Variants in OSBPL6 observed in about 807,000 individuals in gnomAD.
OSBPL6 encodes the protein oxysterol binding protein like 6.
In OSBPL6, 49 loss-of-function variants were observed where a neutral mutation model predicts 125.8. The ratio of observed to expected loss-of-function variants is 0.39; its 90% CI spans 0.31 to 0.49. The LOEUF (loss-of-function observed/expected upper bound fraction) is 0.49, where lower values mean the gene tolerates loss of function less well. OSBPL6 is among the 20% of genes least tolerant of loss of function. The pLI is 0.88. For missense variants in OSBPL6, 986 were observed against 1,135.4 expected, an observed-to-expected ratio of 0.87 and a Z score of 1.89; for synonymous variants, 394 against 391.8, an observed-to-expected ratio of 1.01 and a Z score of -0.07.
intron 10 of OSBPL6, 53 bp downstream of exon 10, chr2:178,339,147 T>G: frequency 8.9e-7 from 1 of 1,117,842 alleles, no homozygotes; most frequent in South Asian, 1.4e-5. Context: ...ATTAATACTC[T>G]TTATTGGGTT....
intron 13 of OSBPL6, among the ~76,000 whole-genome samples, chr2:178,371,248 G>A (rs968894894): frequency 2.6e-5 from 4 of 152,190 alleles, no homozygotes; most frequent in Admixed American, 1.3e-4. Flanking sequence ...TACATCTGTA[G>A]TCTATAAATG....
chr2:178,371,180 T>A (rs1693347461), intron 13 of OSBPL6, among the ~76,000 whole-genome samples: 1 of 152,218 alleles, frequency 6.6e-6, no homozygotes, highest in Non-Finnish European at 1.5e-5. Context: ...CTATCTTTTC[T>A]CTGGGCCTTG....
rs138809498 is a variant in OSBPL6, at chr2:178,324,009, T to A, written c.103-168T>A. Among the ~76,000 whole-genome samples the A allele has an allele frequency of 1.7e-3, 262 of 152,346 alleles. 2 individuals carry two copies. Among genetic ancestry groups the A allele is most frequent in the African/African-American group, 5.4e-3 (226 of 41,572 alleles). ...TCTAGAAGAGGAGGGGAAAATCCTGTGCCGACATATTTTTCTGTCTGTTGC... is the reference window on the plus strand; with the variant it reads ...TCTAGAAGAGGAGGGGAAAATCCTGAGCCGACATATTTTTCTGTCTGTTGC... On this transcript the variant is annotated intron_variant, in intron 3 of 24. Coordinates refer to ENST00000190611, the MANE Select transcript of OSBPL6 (RefSeq NM_032523.4).
chr2:178,221,035 G>A (rs531056143), intron 1 of OSBPL6, among the ~76,000 whole-genome samples: 3 of 152,292 alleles, frequency 2.0e-5, no homozygotes, highest in African/African-American at 7.2e-5. Flanking sequence ...TTAGCTCAGA[G>A]GTAATTGACT....
At chr2:178,380,084 T>G (rs1183777023) in intron 15 of OSBPL6, among the ~76,000 whole-genome samples, 1 of 152,080 alleles carries the variant, frequency 6.6e-6, no homozygotes, top group Non-Finnish European at 1.5e-5. Flanking sequence ...AAAAATGTAA[T>G]CTATATGTCA....
intron 11 of OSBPL6, 23 bp downstream of exon 11, chr2:178,339,787 AT>A: frequency 1.3e-6 from 2 of 1,553,554 alleles, no homozygotes; most frequent in South Asian, 1.2e-5. Context: ...CTTTTCCTTC[AT>A]TCACGTTTCT....
chr2:178,248,065 C>T (rs2091556244), intron 1 of OSBPL6, among the ~76,000 whole-genome samples: 1 of 152,150 alleles, frequency 6.6e-6, no homozygotes, highest in Non-Finnish European at 1.5e-5. Flanking sequence ...AAACTGAAAG[C>T]TCCTACAAGG....
chr2:178,246,030 G>C (rs1163411019), intron 1 of OSBPL6, among the ~76,000 whole-genome samples: 2 of 152,048 alleles, frequency 1.3e-5, no homozygotes, highest in Non-Finnish European at 2.9e-5. Flanking sequence ...GCCTCCATCT[G>C]GTCCCTGGCC....
chr2:178,202,787 T>C (rs1358863450), intron 1 of OSBPL6, among the ~76,000 whole-genome samples: 1 of 151,586 alleles, frequency 6.6e-6, no homozygotes, highest in Non-Finnish European at 1.5e-5. Context: ...GTGCCACTGT[T>C]TTCTACCTTG....
chr2:178,382,071 AG>A (rs544758690), intron 15 of OSBPL6, among the ~76,000 whole-genome samples: 2 of 152,228 alleles, frequency 1.3e-5, no homozygotes, highest in Admixed American at 6.5e-5. Context: ...GCCTTCTCTT[AG>A]TTATTAGGTT....
At chr2:178,217,543 C>T (rs1230587565) in intron 1 of OSBPL6, among the ~76,000 whole-genome samples, 1 of 152,156 alleles carries the variant, frequency 6.6e-6, no homozygotes, top group East Asian at 1.9e-4. Context: ...AAACAGCTCT[C>T]TCTATAGAGA....
At chr2:178,276,621 C>T (rs1241100829) in intron 1 of OSBPL6, among the ~76,000 whole-genome samples, 1 of 152,164 alleles carries the variant, frequency 6.6e-6, no homozygotes. Context: ...GATCCATCCA[C>T]GTCGGCCTCC....
chr2:178,250,437 A>G lies in OSBPL6; in HGVS notation c.-350-34490A>G, dbSNP rs76011779. ...CTTGCTCCTTAGGCCCAGTCCTCACATGATCATCTTTTAAAAATGCAGCTC... is the reference window on the plus strand; with the variant it reads ...CTTGCTCCTTAGGCCCAGTCCTCACGTGATCATCTTTTAAAAATGCAGCTC... On this transcript the variant is annotated intron_variant, in intron 1 of 24. Coordinates refer to ENST00000190611, the MANE Select transcript of OSBPL6 (RefSeq NM_032523.4). 2.2e-3 allele frequency among the ~76,000 whole-genome samples: 341 copies of G among 152,220 alleles called. 7 individuals are homozygous for G. In the East Asian group the frequency reaches 0.056, roughly 25 times the overall value.
At chr2:178,281,868 A>G (rs1156929927) in intron 1 of OSBPL6, among the ~76,000 whole-genome samples, 1 of 152,106 alleles carries the variant, frequency 6.6e-6, no homozygotes, top group Non-Finnish European at 1.5e-5. Flanking sequence ...TACCTAGGTG[A>G]CGGGTTGATA....
chr2:178,225,001 C>T (rs1015982466), intron 1 of OSBPL6, among the ~76,000 whole-genome samples: 3 of 41,192 alleles, frequency 7.3e-5, no homozygotes, highest in East Asian at 1.7e-3. Context: ...CTCTCTCTCT[C>T]TTTCTCTCTC....
chr2:178,332,294 A>G lies in OSBPL6; in HGVS notation c.373-347A>G, dbSNP rs551625836. ...TGATTACTCAGGGATGTTCTGGGTT[A>G]TACGTCAAAGATTGACCGCAGTTAT... On this transcript the variant is annotated intron_variant, in intron 6 of 24. Coordinates refer to ENST00000190611, the MANE Select transcript of OSBPL6 (RefSeq NM_032523.4). Among the ~76,000 whole-genome samples the G allele has an allele frequency of 5.3e-5, 8 of 152,372 alleles. No individual in the cohort carries two copies. In the South Asian group the frequency reaches 1.7e-3, roughly 32 times the overall value.
intron 1 of OSBPL6, among the ~76,000 whole-genome samples, chr2:178,202,904 TTTTC>T: frequency 6.6e-6 from 1 of 152,104 alleles, no homozygotes; most frequent in Non-Finnish European, 1.5e-5. Flanking sequence ...CTTGATGTGG[TTTTC>T]TTTATGTCTT....
At chr2:178,380,007 G>A (rs1373529677) in intron 15 of OSBPL6, among the ~76,000 whole-genome samples, 1 of 152,082 alleles carries the variant, frequency 6.6e-6, no homozygotes, top group Non-Finnish European at 1.5e-5. Flanking sequence ...TTGTTTTTAT[G>A]TACAAATTCA....
chr2:178,326,315 A>G (rs1211102564), intron 4 of OSBPL6, among the ~76,000 whole-genome samples: 1 of 152,184 alleles, frequency 6.6e-6, no homozygotes, highest in African/African-American at 2.4e-5. Context: ...TTGGGCGATT[A>G]TGACATTACT....
Sources: allele counts gnomAD v4.1 joint callset (sites outside exome capture counted in the v4.1 genomes callset), GRCh38; gene constraint gnomAD v4.1.1; transcripts MANE v1.5; gene names NCBI Gene and HGNC (gene_info 2026-07-23, HGNC 2026-07-21).